The following TERB1 variants were observed in gnomAD, a reference collection of about 807,000 sequenced individuals.
TERB1 encodes the protein telomere repeat binding bouquet formation protein 1, also known as telomere repeats-binding bouquet formation protein 1.
In TERB1, 63 loss-of-function variants were observed where a neutral mutation model predicts 92.3. The observed-to-expected ratio is 0.68, with a 90% CI of 0.56 to 0.84. TERB1 has a LOEUF of 0.84. Ranked by LOEUF, TERB1 falls within the 40% of genes least tolerant of loss-of-function variation. The pLI is 0.00. For missense variants in TERB1, 709 were observed against 843.7 expected, an observed-to-expected ratio of 0.84 and a Z score of 1.98; for synonymous variants, 252 against 283.9, an observed-to-expected ratio of 0.89 and a Z score of 1.13.
chr16:66,764,920 G>A (rs1006957871), intron 16 of TERB1, among the ~76,000 whole-genome samples: 8 of 152,128 alleles, frequency 5.3e-5, no homozygotes, highest in Admixed American at 5.2e-4. Context: ...GAAAGAATAA[G>A]GCTATAGCCC....
intron 13 of TERB1, among the ~76,000 whole-genome samples, chr16:66,771,483 T>G (rs1368631348): frequency 6.6e-6 from 1 of 152,200 alleles, no homozygotes; most frequent in African/African-American, 2.4e-5. Flanking sequence ...TTAAATAACT[T>G]GCCTAAACTT....
intron 16 of TERB1, among the ~76,000 whole-genome samples, chr16:66,761,288 CT>C (rs1734132078): frequency 6.7e-6 from 1 of 149,450 alleles, no homozygotes; most frequent in Non-Finnish European, 1.5e-5. Flanking sequence ...CCCGTCTCTA[CT>C]CAAAATACAA....
intron 11 of TERB1, among the ~76,000 whole-genome samples, chr16:66,776,105 G>A (rs944814401): frequency 2.6e-5 from 4 of 151,940 alleles, no homozygotes; most frequent in Admixed American, 1.3e-4. Context: ...CGAGGCAGGC[G>A]GATCACCTGA....
Position 66,800,134 on chromosome 16 carries a change from T to C in TERB1, c.-33+843A>G, listed in dbSNP as rs1220820235. ...ATCCCAGCACTTTGGGAGGCCGAGGTGGGCGGAAGACTTCAGGCCAGGAGT... is the reference window on the plus strand; with the variant it reads ...ATCCCAGCACTTTGGGAGGCCGAGGCGGGCGGAAGACTTCAGGCCAGGAGT... On this transcript the variant is annotated intron_variant, in intron 2 of 18. Transcript: ENST00000433154. 6 of 152,120 alleles carry C rather than the reference T, an allele frequency of 3.9e-5. No homozygotes were observed. In the East Asian group the frequency reaches 1.2e-3, roughly 30 times the overall value. The allele number at this position is 152,120 out of a possible 1,614,324, so 9.4% of individuals were successfully genotyped here.
At chr16:66,784,253 T>A (rs1400197307) in intron 9 of TERB1, among the ~76,000 whole-genome samples, 1 of 152,178 alleles carries the variant, frequency 6.6e-6, no homozygotes, top group Non-Finnish European at 1.5e-5. Flanking sequence ...AATCTCTTCA[T>A]TATTTCCTTT....
chr16:66,794,149 GAGTGC>G (rs952595490), intron 3 of TERB1, among the ~76,000 whole-genome samples: 1 of 152,058 alleles, frequency 6.6e-6, no homozygotes, highest in African/African-American at 2.4e-5. Context: ...GCCCAGGCTG[GAGTGC>G]AGTGGTGCAA....
Position 66,772,606 on chromosome 16 carries a change from C to A in TERB1, c.1255G>T (p.Glu419Ter). 1 of 1,545,340 alleles carries A rather than the reference C, an allele frequency of 6.5e-7. No individual in the cohort carries two copies. The highest frequency in any genetic ancestry group is 1.2e-5 in the South Asian group (1 of 81,658). The change falls in exon 13 of 19, where the codon GAA (glutamate) becomes TAA (stop). Residue 419 changes from glutamate to a stop codon, truncating the protein, a stop_gained. Coordinates refer to ENST00000433154, the MANE Select transcript of TERB1 (RefSeq NM_001136505.2). LOFTEE classifies it high-confidence loss of function. ...KEILHRIEQL[E>*]REGNEEEIQR... ...AATCCAACCTCATTTCCTTCTCTTTCAAGCTGTTCTATTCTGTGTAGAATT... is the reference window on the plus strand; with the variant it reads ...AATCCAACCTCATTTCCTTCTCTTTAAAGCTGTTCTATTCTGTGTAGAATT...
At chr16:66,776,756 G>A (rs183378253) in intron 11 of TERB1, among the ~76,000 whole-genome samples, 1 of 152,130 alleles carries the variant, frequency 6.6e-6, no homozygotes, top group Non-Finnish European at 1.5e-5. Flanking sequence ...AAAAGAGAGA[G>A]GAGACAGTAA....
intron 17 of TERB1, 117 bp downstream of exon 17, chr16:66,759,024 G>A: frequency 9.5e-7 from 1 of 1,057,650 alleles, no homozygotes; most frequent in Non-Finnish European, 1.3e-6. Flanking sequence ...GTTGCTTAGA[G>A]ACAGATTTTC....
chr16:66,790,002 C>T (rs149106027), intron 5 of TERB1, among the ~76,000 whole-genome samples: 206 of 152,180 alleles, frequency 1.4e-3, no homozygotes, highest in African/African-American at 4.6e-3. Context: ...TGAGCCACCA[C>T]GCCTGGCTGA....
At chr16:66,777,026 T>G (rs1313454054) in intron 11 of TERB1, among the ~76,000 whole-genome samples, 177 bp downstream of exon 11, 1 of 152,102 alleles carries the variant, frequency 6.6e-6, no homozygotes, top group Non-Finnish European at 1.5e-5. Context: ...TCTTAATGAC[T>G]GACTTAATAC....
At chr16:66,783,588 G>A (rs2018673749) in intron 9 of TERB1, among the ~76,000 whole-genome samples, 2 of 152,156 alleles carry the variant, frequency 1.3e-5, no homozygotes, top group Non-Finnish European at 2.9e-5. Context: ...GTTGGGAAGT[G>A]TTTCTCTCAC....
chr16:66,765,064 A>G (rs980893815), intron 16 of TERB1, among the ~76,000 whole-genome samples: 24 of 152,254 alleles, frequency 1.6e-4, no homozygotes, highest in African/African-American at 5.8e-4. Context: ...ACTTGTGGCA[A>G]TCTGGCAGGA....
In TERB1 at chr16:66,786,088, T is replaced by A; in HGVS notation, c.503A>T (p.Asn168Ile). Residue 168 changes from asparagine (N) to isoleucine (I), a missense_variant, in exon 8 of 19, where the codon AAT becomes ATT. Asn to Ile is a moderately radical substitution (Grantham distance 149, BLOSUM62 -3). Transcript: ENST00000433154. Reference sequence around the variant, plus strand: ...CCACAACTGATAACTCTGGAAAACATTTTTATCTGACAAATCCAACTCATG... The same window carrying A: ...CCACAACTGATAACTCTGGAAAACAATTTTATCTGACAAATCCAACTCATG... The part of the protein sequence containing the change: ...SKHELDLSDK[N>I]VFQSYQLWSS... 6.4e-7 allele frequency: 1 copy of A among 1,551,514 alleles called. No homozygotes were observed. The highest frequency in any genetic ancestry group is 1.2e-5 in the South Asian group (1 of 84,018).
intron 5 of TERB1, among the ~76,000 whole-genome samples, chr16:66,790,110 G>A (rs2018804573): frequency 6.6e-6 from 1 of 152,138 alleles, no homozygotes; most frequent in African/African-American, 2.4e-5. Context: ...CTGCAGAAAA[G>A]TGTTCTTGCC....
intron 10 of TERB1, among the ~76,000 whole-genome samples, chr16:66,778,627 A>G (rs925641310): frequency 3.9e-5 from 6 of 152,166 alleles, no homozygotes; most frequent in Non-Finnish European, 7.3e-5. Context: ...CATGTTGGCC[A>G]GGCTGGTCTT....
chr16:66,801,919 T>G (rs1481402965), upstream of TERB1, among the ~76,000 whole-genome samples: 2 of 152,206 alleles, frequency 1.3e-5, no homozygotes, highest in Non-Finnish European at 2.9e-5. Flanking sequence ...CTGGCATCTG[T>G]GCTGTGTGTT....
At chr16:66,760,423 C>T (rs1425403184) in intron 16 of TERB1, among the ~76,000 whole-genome samples, 1 of 131,950 alleles carries the variant, frequency 7.6e-6, no homozygotes. Flanking sequence ...CACGACTGCA[C>T]TCCAACCTGG....
At chr16:66,788,418 A>G in intron 5 of TERB1, 121 bp from the exon 6 acceptor site, 1 of 742,036 alleles carries the variant, frequency 1.3e-6, no homozygotes, top group Non-Finnish European at 2.0e-6. Context: ...CATTTAATTG[A>G]TATTTATTAG....
Sources: allele counts gnomAD v4.1 joint callset (sites outside exome capture counted in the v4.1 genomes callset), GRCh38; gene constraint gnomAD v4.1.1; transcripts MANE v1.5; gene names NCBI Gene and HGNC (gene_info 2026-07-23, HGNC 2026-07-21).